Variants in SORL1 observed in about 807,000 individuals in gnomAD.
SORL1 encodes the protein sortilin related receptor 1.
SORL1 carries 127 observed loss-of-function variants against 273.7 expected under a neutral mutation model. The observed-to-expected ratio is 0.46, with a 90% CI of 0.40 to 0.54. The LOEUF is 0.54. Ranked by LOEUF, SORL1 falls within the 20% of genes least tolerant of loss-of-function variation. The probability of loss-of-function intolerance (pLI) is 0.00; values close to 1 mark genes in which losing one functional copy is unlikely to be tolerated. For synonymous variants in SORL1, 1,031 were observed against 1,067.4 expected (o/e 0.97, Z 0.66); for missense variants, 2,494 against 2,846.1 (o/e 0.88, Z 2.81).
chr11:121,587,479 T>C (rs1023484658), intron 27 of SORL1, among the ~76,000 whole-genome samples: 17 of 152,360 alleles, frequency 1.1e-4, no homozygotes, highest in African/African-American at 4.1e-4. Flanking sequence ...ACGAATTCTT[T>C]TGAGTTTAGG....
At chr11:121,619,706 TA>T in intron 42 of SORL1, 46 bp from the exon 43 acceptor site, 1 of 1,439,232 alleles carries the variant, frequency 6.9e-7, no homozygotes, top group Non-Finnish European at 9.6e-7. Flanking sequence ...AAAGATTGCA[TA>T]AGGCCATGAT....
At chr11:121,500,825 T>G (rs1290929526) in intron 6 of SORL1, among the ~76,000 whole-genome samples, 1 of 152,222 alleles carries the variant, frequency 6.6e-6, no homozygotes, top group Non-Finnish European at 1.5e-5. Flanking sequence ...TATGCCCAAT[T>G]CAAGTATTTT....
chr11:121,560,798 G>C (rs1440462495), intron 21 of SORL1, among the ~76,000 whole-genome samples: 1 of 152,208 alleles, frequency 6.6e-6, no homozygotes, highest in Non-Finnish European at 1.5e-5. Flanking sequence ...GACCTGTGAG[G>C]TAGGGAAGGC....
chr11:121,583,552 G>C lies in SORL1; in HGVS notation c.3675G>C (p.Gln1225His), dbSNP rs778064633. 6.2e-7 allele frequency: 1 copy of C among 1,612,276 alleles called. No homozygotes were observed. The highest frequency in any genetic ancestry group is 8.5e-7 in the Non-Finnish European group (1 of 1,179,186). Residue 1225 changes from glutamine to histidine, a missense_variant, in exon 26 of 48, where the codon CAG becomes CAC. By Grantham distance (24) the Gln-to-His change is conservative. This residue lies in a region of SORL1 where 1,609 missense variants were observed against 1,816.4 expected (regional missense o/e 0.89). Transcript: ENST00000260197. ...CGTGTGACGGGGATACGGACTGCCAGGATGGTTCCGATGAGGATCCAGTCA... is the reference window on the plus strand; with the variant it reads ...CGTGTGACGGGGATACGGACTGCCACGATGGTTCCGATGAGGATCCAGTCA... Reference protein sequence around the residue: ...RWACDGDTDCQDGSDEDPVNC... With the variant: ...RWACDGDTDCHDGSDEDPVNC...
At chr11:121,628,634 G>A (rs886342600) in intron 47 of SORL1, among the ~76,000 whole-genome samples, 9 of 152,256 alleles carry the variant, frequency 5.9e-5, no homozygotes, top group Non-Finnish European at 1.5e-5. Flanking sequence ...GAAGTTTCCC[G>A]TTTTGAAATC....
chr11:121,473,666 G>A (rs886397472), intron 2 of SORL1, among the ~76,000 whole-genome samples: 25 of 152,140 alleles, frequency 1.6e-4, no homozygotes, highest in African/African-American at 5.1e-4. Context: ...AGGCCGAGGC[G>A]GGTGGATCAT....
chr11:121,583,718 A>G, intron 26 of SORL1, 135 bp downstream of exon 26: 2 of 888,262 alleles, frequency 2.3e-6, no homozygotes, highest in Non-Finnish European at 3.2e-6. Context: ...AAATAAGCCC[A>G]TCTACTTTCT....
At chr11:121,611,965 A>G (rs1214768605) in intron 39 of SORL1, 1 of 152,094 alleles carries the variant, frequency 6.6e-6, no homozygotes, top group Non-Finnish European at 1.5e-5. Context: ...ACATGGTGAA[A>G]CCCCGTCTCT....
intron 18 of SORL1, chr11:121,557,053 G>A (rs1862597913): frequency 1.9e-6 from 1 of 515,234 alleles, no homozygotes; most frequent in South Asian, 2.8e-5. Context: ...GCTTTGTCCA[G>A]ATCATCATGC....
Position 121,523,003 on chromosome 11 carries a change from C to A in SORL1, c.1596+14C>A. On this transcript the variant is annotated intron_variant, in intron 11 of 47. Transcript: ENST00000260197. ...AGGTGGCGAGAGGTCAGCCCCCTCCCCCAATCCCGTCCCCTCCACCCTCAT... is the reference window on the plus strand; with the variant it reads ...AGGTGGCGAGAGGTCAGCCCCCTCCACCAATCCCGTCCCCTCCACCCTCAT... 2 of 1,564,778 alleles carry A rather than the reference C, an allele frequency of 1.3e-6. No homozygotes were observed. The highest frequency in any genetic ancestry group is 1.8e-6 in the Non-Finnish European group (2 of 1,135,364).
chr11:121,590,275 G>C, intron 30 of SORL1, 101 bp downstream of exon 30: 2 of 1,292,660 alleles, frequency 1.5e-6, no homozygotes, highest in Non-Finnish European at 2.1e-6. Flanking sequence ...GTGTTTTGGG[G>C]GGCATATTTT....
chr11:121,469,651 T>G (rs557514821), intron 1 of SORL1, among the ~76,000 whole-genome samples: 2 of 152,352 alleles, frequency 1.3e-5, no homozygotes, highest in East Asian at 3.9e-4. Context: ...GTTTCCATGC[T>G]TTGGTTTAAA....
chr11:121,621,147 C>T lies in SORL1; in HGVS notation c.5973C>T (p.Tyr1991=), dbSNP rs754756047. 4 of 1,613,878 alleles carry T rather than the reference C, an allele frequency of 2.5e-6. No homozygotes were observed. In the African/African-American group the frequency reaches 5.3e-5, roughly 22 times the overall value. ...KVKSRNSTVE[Y]TLNKLEPGGK... is the part of the protein sequence containing the mutation. ...AATCCCGTAACAGCACTGTGGAATA[C>T]ACCCTTAACAAGTTGGAGCCTGGCG... Residue 1991 remains tyrosine, a synonymous_variant, in exon 44 of 48, where the codon TAC becomes TAT. Coordinates refer to ENST00000260197, the MANE Select transcript of SORL1 (RefSeq NM_003105.6).
At chr11:121,487,895 T>C (rs1326489300) in intron 3 of SORL1, 137 bp from the exon 4 acceptor site, 1 of 800,412 alleles carries the variant, frequency 1.2e-6, no homozygotes, top group Admixed American at 2.3e-5. Flanking sequence ...GTGGAAGCCC[T>C]GTAAGGCTGT....
At chr11:121,597,452 G>GT (rs1157455711) in intron 32 of SORL1, among the ~76,000 whole-genome samples, 1 of 149,228 alleles carries the variant, frequency 6.7e-6, no homozygotes, top group Non-Finnish European at 1.5e-5. Flanking sequence ...TTGTGTGTTT[G>GT]TTTGTTTTTT....
intron 1 of SORL1, among the ~76,000 whole-genome samples, chr11:121,457,049 C>T (rs531030741): frequency 4.6e-5 from 7 of 152,288 alleles, no homozygotes; most frequent in South Asian, 2.1e-4. Context: ...AAGAGTTGCT[C>T]GGGGCCTTGG....
intron 8 of SORL1, among the ~76,000 whole-genome samples, chr11:121,519,095 G>A (rs937754376): frequency 1.7e-4 from 26 of 151,532 alleles, no homozygotes; most frequent in African/African-American, 6.1e-4. Context: ...CTACAGGCAC[G>A]TGCCACCATG....
intron 11 of SORL1, among the ~76,000 whole-genome samples, chr11:121,523,702 G>T (rs922801665): frequency 6.6e-6 from 1 of 152,066 alleles, no homozygotes; most frequent in Non-Finnish European, 1.5e-5. Context: ...GCTTTCAGGG[G>T]TGACCCTCTA....
Position 121,595,635 on chromosome 11 carries a change from C to T in SORL1, c.4382C>T (p.Ala1461Val), listed in dbSNP as rs746603835. The change falls in exon 32 of 48, where the codon GCT becomes GTT. Residue 1461 changes from alanine to valine, a missense_variant. Around this residue, in one of 3 missense-constraint regions of SORL1, gnomAD observed 1,609 missense variants for 1,816.4 expected, o/e 0.89. Transcript: ENST00000260197. This position sits in a 1 kb window ranked among gnomAD's most constrained non-coding sequence, Gnocchi z 5.1. ...EACPLLANVT[A>V]ASTPTQLGRC... ...TCTTTTATTTTAGCAAACGTCACTGCTGCCTCCACTCCCACCCAACTTGGG... is the reference window on the plus strand; with the variant it reads ...TCTTTTATTTTAGCAAACGTCACTGTTGCCTCCACTCCCACCCAACTTGGG... The T allele has an allele frequency of 6.2e-7, 1 of 1,604,260 alleles. No homozygotes were observed. Among genetic ancestry groups the T allele is most frequent in the South Asian group, 1.1e-5 (1 of 89,706 alleles).
Sources: gnomAD v4.1 joint callset for allele counts (sites outside exome capture counted in the v4.1 genomes callset) on GRCh38, gnomAD v4.1.1 for gene constraint, gnomAD v4.1.1 regional missense constraint, Gnocchi (gnomAD v3.1) non-coding constraint, MANE v1.5 for transcripts, NCBI Gene and HGNC (gene_info 2026-07-23, HGNC 2026-07-21) for gene names.